The following ZNF678 variants were observed in gnomAD, a reference collection of about 807,000 sequenced individuals.
ZNF678 encodes zinc finger protein 678.
In ZNF678, 5 loss-of-function variants were observed where a neutral mutation model predicts 3.0. The ratio of observed to expected loss-of-function variants is 1.69; its 90% CI spans 0.88 to 3.56. The LOEUF (loss-of-function observed/expected upper bound fraction) is 3.56, where lower values mean the gene tolerates loss of function less well. Ranked by LOEUF, ZNF678 falls within the 30% of genes most tolerant of loss-of-function variation. The probability of loss-of-function intolerance (pLI) is 0.00; values close to 1 mark genes in which losing one functional copy is unlikely to be tolerated. For missense variants in ZNF678, 593 were observed against 605.0 expected (o/e 0.98, Z 0.21); for synonymous variants, 218 against 199.6 (o/e 1.09, Z -0.78).
At chr1:227,602,222 T>TA (rs367686803) in intron 1 of ZNF678, among the ~76,000 whole-genome samples, 1 of 152,342 alleles carries the variant, frequency 6.6e-6, no homozygotes, top group Non-Finnish European at 1.5e-5. Context: ...AATGAGATAA[T>TA]AATTGCTGAA....
intron 1 of ZNF678, among the ~76,000 whole-genome samples, chr1:227,644,235 A>G (rs1219637472): frequency 6.6e-6 from 1 of 152,214 alleles, no homozygotes; most frequent in Non-Finnish European, 1.5e-5. Flanking sequence ...CCCTGTATTT[A>G]CATCCTGGCA....
intron 1 of ZNF678, among the ~76,000 whole-genome samples, chr1:227,619,967 C>T (rs1246832421): frequency 2.0e-5 from 3 of 152,020 alleles, no homozygotes; most frequent in African/African-American, 2.4e-5. Flanking sequence ...ATTTGATGCC[C>T]GAGGTGTTTT....
Position 227,658,053 on chromosome 1 carries a change from CAAGAT to C in ZNF678, c.*2228_*2232del, listed in dbSNP as rs1224959744. The C allele has an allele frequency of 6.6e-6, 1 of 151,898 alleles. No individual in the cohort carries two copies. Among genetic ancestry groups the C allele is most frequent in the Non-Finnish European group, 1.5e-5 (1 of 67,914 alleles). The allele number at this position is 151,898 out of a possible 1,614,324, so 9.4% of individuals were successfully genotyped here. A position where few individuals can be genotyped will look rare whatever the true frequency, so the allele number is the denominator to read the frequency against. On this transcript the variant is annotated 3_prime_UTR_variant, in exon 4 of 4. Coordinates refer to ENST00000343776, the MANE Select transcript of ZNF678 (RefSeq NM_001367909.1). ...CTTTCATAAAATGTATTGATGTTCACAAGATAATTTTAAGATGTAATTCTACAATA... is the reference window on the plus strand; with the variant it reads ...CTTTCATAAAATGTATTGATGTTCACAATTTTAAGATGTAATTCTACAATA...
At chr1:227,665,130 G>A (rs1659480521), downstream of ZNF678, among the ~76,000 whole-genome samples, 1 of 152,192 alleles carries the variant, frequency 6.6e-6, no homozygotes, top group African/African-American at 2.4e-5. Flanking sequence ...GTCACATGAA[G>A]ATAAAGCACA....
intron 1 of ZNF678, among the ~76,000 whole-genome samples, chr1:227,620,784 G>T (rs1658262988): frequency 2.0e-5 from 3 of 152,172 alleles, no homozygotes; most frequent in Admixed American, 2.0e-4. Context: ...TACAGTGTGT[G>T]GCATTATTAG....
At chr1:227,619,905 T>A (rs1255248200) in intron 1 of ZNF678, among the ~76,000 whole-genome samples, 1 of 152,176 alleles carries the variant, frequency 6.6e-6, no homozygotes, top group East Asian at 1.9e-4. Context: ...AGCTAAAATC[T>A]TAGACAACCA....
downstream of ZNF678, among the ~76,000 whole-genome samples, chr1:227,666,741 CTTTTTTT>C (rs1182440018): frequency 1.7e-5 from 2 of 115,170 alleles, no homozygotes; most frequent in African/African-American, 6.9e-5. Flanking sequence ...TTCTTTCTTG[CTTTTTTT>C]TTTTTTTTTT....
intron 1 of ZNF678, among the ~76,000 whole-genome samples, chr1:227,574,837 C>T (rs571724031): frequency 2.6e-5 from 4 of 152,148 alleles, no homozygotes; most frequent in African/African-American, 7.2e-5. Context: ...AATTTTTGTG[C>T]ATGATGTAAG....
intron 1 of ZNF678, among the ~76,000 whole-genome samples, chr1:227,586,131 A>G (rs999799028): frequency 1.3e-5 from 2 of 152,182 alleles, no homozygotes; most frequent in African/African-American, 4.8e-5. Context: ...TCAGTGCCCT[A>G]TGATTGAGTC....
In ZNF678 at chr1:227,655,065, A is replaced by G. The variant is rs754899935; in HGVS notation, c.815A>G (p.Asn272Ser). Reference sequence around the variant, plus strand: ...CCTTACAAGTGTGAAGAATGTGGCAACGTTTTTAATGAGTGCTCACACCTA... The same window carrying G: ...CCTTACAAGTGTGAAGAATGTGGCAGCGTTTTTAATGAGTGCTCACACCTA... ...EKPYKCEECG[N>S]VFNECSHLTR... The change falls in exon 4 of 4, where the codon AAC becomes AGC. Residue 272 changes from asparagine (N) to serine (S), a missense_variant. Asn to Ser is a conservative substitution (Grantham distance 46). Coordinates refer to ENST00000343776, the MANE Select transcript of ZNF678 (RefSeq NM_001367909.1). The G allele has an allele frequency of 2.5e-5, 40 of 1,612,156 alleles. No homozygotes were observed. Among genetic ancestry groups the G allele is most frequent in the Non-Finnish European group, 3.1e-5 (37 of 1,179,238 alleles).
At chr1:227,630,343 A>G (rs948282533) in intron 1 of ZNF678, among the ~76,000 whole-genome samples, 20 of 152,076 alleles carry the variant, frequency 1.3e-4, no homozygotes, top group African/African-American at 3.6e-4. Flanking sequence ...CTGCATCCCA[A>G]TGGGGGTCTA....
intron 1 of ZNF678, among the ~76,000 whole-genome samples, chr1:227,630,314 C>T (rs2102779719): frequency 6.6e-6 from 1 of 152,270 alleles, no homozygotes; most frequent in African/African-American, 2.4e-5. Flanking sequence ...TCTGCAGCAC[C>T]AATCTCCATG....
chr1:227,610,208 T>C (rs1455014272), intron 1 of ZNF678, among the ~76,000 whole-genome samples: 2 of 152,218 alleles, frequency 1.3e-5, no homozygotes, highest in African/African-American at 4.8e-5. Flanking sequence ...TACTAATAAA[T>C]ATGTTTAAGC....
chr1:227,665,183 G>A (rs924508762), downstream of ZNF678, among the ~76,000 whole-genome samples: 17 of 152,224 alleles, frequency 1.1e-4, no homozygotes, highest in African/African-American at 4.1e-4. Flanking sequence ...GGGAGGTAGC[G>A]TGGACTACAG....
At position 227,563,697 on chromosome 1, in the gene ZNF678, G is replaced by T; in HGVS notation, c.-191G>T. The T allele has an allele frequency of 1.5e-6, 2 of 1,333,214 alleles. No homozygotes were observed. The highest frequency in any genetic ancestry group is 4.9e-5 in the East Asian group (1 of 20,556). 82.6% of individuals were successfully genotyped at this position (1,333,214 alleles called of 1,614,324 possible). ...GTACTGGGAGTTACATAGCTAAGAT[G>T]CCAGGACACCCCGAAAGCCGGAAAA... On this transcript the variant is annotated 5_prime_UTR_variant, in exon 1 of 4. An upstream start codon of the reference 5' UTR is lost. Coordinates refer to ENST00000343776, the MANE Select transcript of ZNF678 (RefSeq NM_001367909.1).
At chr1:227,643,145 C>G (rs1207698681) in intron 1 of ZNF678, among the ~76,000 whole-genome samples, 1 of 151,672 alleles carries the variant, frequency 6.6e-6, no homozygotes, top group Non-Finnish European at 1.5e-5. Flanking sequence ...AATGGCCATT[C>G]CTGAACAGAA....
rs1419820095 is a variant in ZNF678, at chr1:227,655,500, G to A, written c.1250G>A (p.Cys417Tyr). The change falls in exon 4 of 4, where the codon TGC becomes TAC. Residue 417 changes from cysteine (C) to tyrosine (Y), a missense_variant. Physicochemically the swap from Cys to Tyr is radical, Grantham distance 194. Transcript: ENST00000343776. The part of the protein sequence containing the change: ...CEECGKVFKQ[C>Y]SHLTSHKRIH... Reference sequence around the variant, plus strand: ...GAATGTGGGAAAGTTTTTAAACAGTGCTCTCACCTAACTAGCCATAAGAGA... The same window carrying A: ...GAATGTGGGAAAGTTTTTAAACAGTACTCTCACCTAACTAGCCATAAGAGA... 1 of 1,611,030 alleles carries A rather than the reference G, an allele frequency of 6.2e-7. No homozygotes were observed. Among genetic ancestry groups the A allele is most frequent in the Non-Finnish European group, 8.5e-7 (1 of 1,178,890 alleles).
intron 1 of ZNF678, among the ~76,000 whole-genome samples, chr1:227,636,501 G>A (rs537527983): frequency 1.9e-3 from 293 of 152,298 alleles, no homozygotes; most frequent in African/African-American, 6.8e-3. Flanking sequence ...CTGTAGTCTA[G>A]TTATTCTATT....
At chr1:227,676,622 G>T (rs940189753) in intron 5 of ZNF678, among the ~76,000 whole-genome samples, 1 of 151,768 alleles carries the variant, frequency 6.6e-6, no homozygotes, top group African/African-American at 2.4e-5. Flanking sequence ...GCTGCACCCA[G>T]TAACTCGTCA....
Sources: allele counts gnomAD v4.1 joint callset (sites outside exome capture counted in the v4.1 genomes callset), GRCh38; gene constraint gnomAD v4.1.1; transcripts MANE v1.5; gene names NCBI Gene and HGNC (gene_info 2026-07-23, HGNC 2026-07-21).